Variants in RCAN2 observed in about 807,000 individuals in gnomAD.
RCAN2 encodes the protein calcipressin-2.
RCAN2 carries 9 observed loss-of-function variants against 23.6 expected under a neutral mutation model. That is an observed-to-expected ratio of 0.38 (90% CI 0.23 to 0.67). The LOEUF is 0.67. Among genes scored for constraint, RCAN2 ranks in the 30% least tolerant of loss-of-function variants. RCAN2 has a pLI of 0.51. For missense variants in RCAN2, 273 were observed against 302.3 expected (o/e 0.90, Z 0.72); for synonymous variants, 109 against 115.7 (o/e 0.94, Z 0.37).
At chr6:46,294,213 C>A (rs1315326159) in intron 2 of RCAN2, among the ~76,000 whole-genome samples, 1 of 152,070 alleles carries the variant, frequency 6.6e-6, no homozygotes, top group Non-Finnish European at 1.5e-5. Flanking sequence ...AGATGATTCA[C>A]GGAATTTAAA....
chr6:46,309,541 G>A (rs1481777639), intron 2 of RCAN2, among the ~76,000 whole-genome samples: 2 of 152,130 alleles, frequency 1.3e-5, no homozygotes, highest in African/African-American at 4.8e-5. Flanking sequence ...TGATTCTCCT[G>A]TGGTTCATAC....
chr6:46,234,602 A>T (rs2150310273), intron 4 of RCAN2, among the ~76,000 whole-genome samples: 1 of 152,358 alleles, frequency 6.6e-6, no homozygotes, highest in East Asian at 1.9e-4. Context: ...GCCAGTATTG[A>T]AACTGTCCTC....
At chr6:46,476,601 G>A (rs1246108322) in intron 1 of RCAN2, among the ~76,000 whole-genome samples, 1 of 152,090 alleles carries the variant, frequency 6.6e-6, no homozygotes, top group Non-Finnish European at 1.5e-5. Flanking sequence ...ATATATTTTT[G>A]TCTTTGTCCA....
At chr6:46,350,191 A>G (rs1764604491) in intron 2 of RCAN2, among the ~76,000 whole-genome samples, 1 of 152,224 alleles carries the variant, frequency 6.6e-6, no homozygotes, top group Non-Finnish European at 1.5e-5. Context: ...TTATGGCTCA[A>G]AGCAGCTCCT....
chr6:46,455,792 G>T (rs1159123899), intron 2 of RCAN2, among the ~76,000 whole-genome samples: 2 of 151,136 alleles, frequency 1.3e-5, no homozygotes, highest in African/African-American at 2.4e-5. Flanking sequence ...AGGAGGTGGA[G>T]CTGGCAGTGA....
At chr6:46,345,422 CCAA>C (rs1418743046) in intron 2 of RCAN2, among the ~76,000 whole-genome samples, 1 of 152,076 alleles carries the variant, frequency 6.6e-6, no homozygotes, top group African/African-American at 2.4e-5. Context: ...AACACGGTAT[CCAA>C]CAACTGCAGA....
chr6:46,465,007 G>T (rs1222687817), intron 1 of RCAN2, among the ~76,000 whole-genome samples: 1 of 151,742 alleles, frequency 6.6e-6, no homozygotes, highest in Non-Finnish European at 1.5e-5. Context: ...CACAAGATTT[G>T]CAGATCCTAT....
At chr6:46,485,878 AC>A (rs530815551) in intron 1 of RCAN2, among the ~76,000 whole-genome samples, 4 of 151,880 alleles carry the variant, frequency 2.6e-5, no homozygotes, top group African/African-American at 7.3e-5. Context: ...CAAATAAGTT[AC>A]CCCCCCAAAA....
At chr6:46,332,598 T>G (rs1044993076) in intron 2 of RCAN2, among the ~76,000 whole-genome samples, 2 of 152,088 alleles carry the variant, frequency 1.3e-5, no homozygotes, top group South Asian at 2.1e-4. Flanking sequence ...CTGAGAATGA[T>G]GATTTCCAAT....
At chr6:46,300,648 T>C (rs1183310601) in intron 2 of RCAN2, among the ~76,000 whole-genome samples, 2 of 152,182 alleles carry the variant, frequency 1.3e-5, no homozygotes, top group East Asian at 1.9e-4. Flanking sequence ...TGTTATGACA[T>C]TTATTTCCTT....
At chr6:46,296,224 T>C (rs565221048) in intron 2 of RCAN2, among the ~76,000 whole-genome samples, 1 of 152,182 alleles carries the variant, frequency 6.6e-6, no homozygotes, top group African/African-American at 2.4e-5. Context: ...TAGATGACCT[T>C]CTGGTTTACA....
chr6:46,268,353 G>T (rs1767410705), intron 2 of RCAN2, among the ~76,000 whole-genome samples: 1 of 152,164 alleles, frequency 6.6e-6, no homozygotes, highest in Non-Finnish European at 1.5e-5. Context: ...TATAGCAAAT[G>T]TGTTCTTTAA....
chr6:46,393,093 G>A (rs185272158), intron 2 of RCAN2, among the ~76,000 whole-genome samples: 36 of 152,150 alleles, frequency 2.4e-4, no homozygotes, highest in African/African-American at 6.0e-4. Flanking sequence ...TTAAAATTTC[G>A]CAACAGACCA....
chr6:46,266,302 A>G (rs563946370), intron 2 of RCAN2, among the ~76,000 whole-genome samples: 1 of 152,322 alleles, frequency 6.6e-6, no homozygotes, highest in Non-Finnish European at 1.5e-5. Flanking sequence ...GCATTAATTA[A>G]TGCATTAACG....
intron 2 of RCAN2, among the ~76,000 whole-genome samples, chr6:46,344,903 A>G (rs1561868056): frequency 6.6e-6 from 1 of 152,100 alleles, no homozygotes; most frequent in Admixed American, 6.6e-5. Flanking sequence ...TAAACATTTT[A>G]ATTAAAATGT....
chr6:46,343,865 G>A (rs1360544565), intron 2 of RCAN2, among the ~76,000 whole-genome samples: 4 of 152,102 alleles, frequency 2.6e-5, no homozygotes, highest in African/African-American at 9.7e-5. Context: ...TCTCCAACTG[G>A]TGAGCAGATA....
chr6:46,445,326 C>T (rs1021279997), intron 2 of RCAN2, among the ~76,000 whole-genome samples: 16 of 152,172 alleles, frequency 1.1e-4, no homozygotes, highest in African/African-American at 3.6e-4. Context: ...ACCAGGCCTG[C>T]CCACCTGCTG....
chr6:46,423,802 T>G (rs1391310937), intron 2 of RCAN2, among the ~76,000 whole-genome samples: 1 of 152,216 alleles, frequency 6.6e-6, no homozygotes. Flanking sequence ...AATCTGATGA[T>G]GCAGTAAGAA....
chr6:46,316,022 A>C (rs905320177), intron 2 of RCAN2, among the ~76,000 whole-genome samples: 2 of 152,172 alleles, frequency 1.3e-5, no homozygotes, highest in African/African-American at 4.8e-5. Context: ...CCTCACTCCC[A>C]AACTGAGCCA....
Sources: allele counts gnomAD v4.1 joint callset (sites outside exome capture counted in the v4.1 genomes callset), GRCh38; gene constraint gnomAD v4.1.1; transcripts MANE v1.5; gene names NCBI Gene and HGNC (gene_info 2026-07-23, HGNC 2026-07-21).